COL23A1: variants seen among roughly 807,000 people sequenced by gnomAD.
COL23A1 encodes the protein collagen type XXIII alpha 1 chain.
A neutral mutation model predicts 99.3 loss-of-function variants in COL23A1; 97 were observed. That is an observed-to-expected ratio of 0.98 (90% CI 0.83 to 1.16). COL23A1 has a LOEUF of 1.16. COL23A1 is among the 50% of genes most tolerant of loss of function. The probability of loss-of-function intolerance (pLI) is 0.00; values close to 1 mark genes in which losing one functional copy is unlikely to be tolerated. For synonymous variants in COL23A1, 320 were observed against 308.2 expected (o/e 1.04, Z -0.40); for missense variants, 762 against 757.4 (o/e 1.01, Z -0.07).
chr5:178,351,607 G>A (rs1291484467), intron 2 of COL23A1, among the ~76,000 whole-genome samples: 1 of 152,174 alleles, frequency 6.6e-6, no homozygotes, highest in Non-Finnish European at 1.5e-5. Context: ...GGGGAGACAC[G>A]AGGTAGCAGC....
At chr5:178,375,241 T>G (rs1763009831) in intron 2 of COL23A1, among the ~76,000 whole-genome samples, 3 of 151,592 alleles carry the variant, frequency 2.0e-5, no homozygotes, top group Admixed American at 1.3e-4. Context: ...GAAAGTAGAC[T>G]CGTGGTTGGC....
intron 2 of COL23A1, among the ~76,000 whole-genome samples, chr5:178,527,926 C>T (rs114690619): frequency 1.3e-5 from 2 of 152,360 alleles, no homozygotes; most frequent in African/African-American, 4.8e-5. Flanking sequence ...CCCACATTCA[C>T]ACACACAAAA....
chr5:178,253,139 C>T (rs935283991), intron 16 of COL23A1, among the ~76,000 whole-genome samples: 1 of 152,158 alleles, frequency 6.6e-6, no homozygotes, highest in Non-Finnish European at 1.5e-5. Flanking sequence ...AAGCTCCTGT[C>T]CTGATCCAGG....
chr5:178,585,745 A>AACGCCCTACAG (rs1371181299), intron 1 of COL23A1, among the ~76,000 whole-genome samples: 43 of 5,494 alleles, frequency 7.8e-3, no homozygotes, highest in Middle Eastern at 0.1. Flanking sequence ...GCCCTGGCTG[A>AACGCCCTACAG]CCCTGTTGGT....
At chr5:178,264,027 C>A (rs1439939657) in intron 8 of COL23A1, among the ~76,000 whole-genome samples, 1 of 152,106 alleles carries the variant, frequency 6.6e-6, no homozygotes, top group Non-Finnish European at 1.5e-5. Flanking sequence ...GATGGAGAGC[C>A]CATAATGGTT....
At position 178,255,136 on chromosome 5, in the gene COL23A1, G is replaced by T. The variant is rs535775696; in HGVS notation, c.883-110C>A. On this transcript the variant is annotated intron_variant, in intron 15 of 28. Coordinates refer to ENST00000390654, the MANE Select transcript of COL23A1 (RefSeq NM_173465.4). This position sits in a 1 kb window ranked among gnomAD's most constrained non-coding sequence, Gnocchi z 4.2. Reference sequence around the variant, plus strand: ...AGAGAGAAAGCAATGGAAGAGCCTCGTCACCCAGGCTGCACGCATGCCCCT... The same window carrying T: ...AGAGAGAAAGCAATGGAAGAGCCTCTTCACCCAGGCTGCACGCATGCCCCT... 6.5e-6 allele frequency: 6 copies of T among 918,590 alleles called. No homozygotes were observed. Among genetic ancestry groups the T allele is most frequent in the African/African-American group, 3.3e-5 (2 of 61,404 alleles). The allele number at this position is 918,590 out of a possible 1,614,324, so 56.9% of individuals were successfully genotyped here.
rs765736524 is a variant in COL23A1 at position 178,248,141 on chromosome 5, C to G, written c.1212+51G>C. 7.4e-6 allele frequency: 10 copies of G among 1,342,378 alleles called. No individual in the cohort carries two copies. In the African/African-American group the frequency reaches 1.0e-4, roughly 13 times the overall value. 83.2% of individuals were successfully genotyped at this position (1,342,378 alleles called of 1,614,324 possible). A position where few individuals can be genotyped will look rare whatever the true frequency, so the allele number is the denominator to read the frequency against. ...TGTCCCAAGGCTCAGGGTCCCCACC[C>G]AGCCTGGACTGGGTGTTGGGGGAAG... On this transcript the variant is annotated intron_variant, in intron 20 of 28. Transcript: ENST00000390654.
At chr5:178,257,612 G>A (rs1277042319) in intron 12 of COL23A1, 45 bp from the exon 13 acceptor site, 4 of 1,543,670 alleles carry the variant, frequency 2.6e-6, no homozygotes, top group Non-Finnish European at 2.6e-6. Flanking sequence ...CCCTCGGGTG[G>A]CCAGTGGGCC....
At chr5:178,436,611 G>A (rs73336672) in intron 2 of COL23A1, among the ~76,000 whole-genome samples, 127 of 152,344 alleles carry the variant, frequency 8.3e-4, no homozygotes, top group African/African-American at 2.9e-3. Context: ...AGAATGCTGA[G>A]CGAGGTGCTG....
chr5:178,527,966 C>T (rs1760409557), intron 2 of COL23A1, among the ~76,000 whole-genome samples: 1 of 152,222 alleles, frequency 6.6e-6, no homozygotes, highest in African/African-American at 2.4e-5. Context: ...GAATCAGAAA[C>T]ACCTGGACAC....
chr5:178,301,904 GC>G (rs1758058787), intron 3 of COL23A1, among the ~76,000 whole-genome samples: 3 of 149,334 alleles, frequency 2.0e-5, no homozygotes, highest in South Asian at 2.1e-4. Context: ...TGTGTGCGCC[GC>G]AGCACAGCTT....
chr5:178,519,257 T>C (rs375276372), intron 2 of COL23A1, among the ~76,000 whole-genome samples: 11 of 152,374 alleles, frequency 7.2e-5, no homozygotes, highest in African/African-American at 1.4e-4. Context: ...GGGCAGAACG[T>C]TGTCAGCACA....
chr5:178,343,663 A>G (rs985026865), intron 2 of COL23A1, among the ~76,000 whole-genome samples: 1 of 134,344 alleles, frequency 7.4e-6, no homozygotes, highest in Non-Finnish European at 1.7e-5. Flanking sequence ...ATATATATAT[A>G]TTTTTTTTTT....
chr5:178,584,734 G>A (rs1763834616), intron 1 of COL23A1, among the ~76,000 whole-genome samples: 1 of 152,172 alleles, frequency 6.6e-6, no homozygotes, highest in Non-Finnish European at 1.5e-5. Flanking sequence ...CTGGGGGAAA[G>A]GCAGGATAGT....
At chr5:178,271,322 G>A (rs566573102) in intron 5 of COL23A1, among the ~76,000 whole-genome samples, 2 of 152,138 alleles carry the variant, frequency 1.3e-5, no homozygotes, top group East Asian at 1.9e-4. Context: ...ACTCTTGGCC[G>A]CAGCAACGAT....
At chr5:178,568,535 AC>A (rs200631608) in intron 1 of COL23A1, among the ~76,000 whole-genome samples, 1 of 135,900 alleles carries the variant, frequency 7.4e-6, no homozygotes, top group Non-Finnish European at 1.6e-5. Flanking sequence ...TTATACAATC[AC>A]CCCCTCTATT....
chr5:178,254,500 G>GT (rs749459219), intron 16 of COL23A1, among the ~76,000 whole-genome samples: 2 of 152,190 alleles, frequency 1.3e-5, no homozygotes. Context: ...TCCACTGGTG[G>GT]TAAGTCCCAA....
In COL23A1 at chr5:178,424,431, A is replaced by T. The variant is rs112460421; in HGVS notation, c.362-117512T>A. On this transcript the variant is annotated intron_variant, in intron 2 of 28. Coordinates refer to ENST00000390654, the MANE Select transcript of COL23A1 (RefSeq NM_173465.4). ...GCCAGGCTTCAGGGAAAACCCTTTG[A>T]TCCAGGGCCCAGTCATGTCCTCTGC... Among the ~76,000 whole-genome samples the T allele has an allele frequency of 1.0e-3, 153 of 152,308 alleles. 1 individual carries two copies. Among genetic ancestry groups the T allele is most frequent in the African/African-American group, 3.6e-3 (149 of 41,568 alleles).
chr5:178,401,135 A>G (rs968817882), intron 2 of COL23A1, among the ~76,000 whole-genome samples: 1 of 152,262 alleles, frequency 6.6e-6, no homozygotes. Flanking sequence ...TATTTCACTT[A>G]GCATAATGTC....
Sources: gnomAD v4.1 joint callset for allele counts (sites outside exome capture counted in the v4.1 genomes callset) on GRCh38, gnomAD v4.1.1 for gene constraint, Gnocchi (gnomAD v3.1) non-coding constraint, MANE v1.5 for transcripts, NCBI Gene and HGNC (gene_info 2026-07-23, HGNC 2026-07-21) for gene names.